DMD: variants seen among roughly 807,000 people sequenced by gnomAD.
The protein encoded by DMD is dystrophin, also known as mutant dystrophin.
In DMD, 63 loss-of-function variants were observed where a neutral mutation model predicts 330.1. The observed-to-expected ratio is 0.19, with a 90% CI of 0.16 to 0.24. DMD has a LOEUF of 0.24. Ranked by LOEUF, DMD falls within the 10% of genes least tolerant of loss-of-function variation. DMD has a pLI of 1.00. For synonymous variants in DMD, 1,223 were observed against 959.8 expected (o/e 1.27, Z -5.07); for missense variants, 3,344 against 2,684.1 (o/e 1.25, Z -5.43).
intron 52 of DMD, among the ~76,000 whole-genome samples, chrX:31,721,924 T>C (rs2085593958): frequency 9.3e-6 from 1 of 107,695 alleles, no homozygotes; most frequent in Non-Finnish European, 1.9e-5. Context: ...ATATTTCTAA[T>C]GACAGAAAGG....
intron 2 of DMD, among the ~76,000 whole-genome samples, chrX:32,937,954 C>T (rs764026540): frequency 3.6e-5 from 4 of 111,229 alleles, no homozygotes; most frequent in Non-Finnish European, 7.5e-5. Flanking sequence ...CCAGAACTTC[C>T]TTCATTTTAC....
intron 1 of DMD, among the ~76,000 whole-genome samples, chrX:33,244,000 C>T (rs186065066): frequency 2.2e-3 from 251 of 111,972 alleles, no homozygotes; most frequent in Middle Eastern, 9.2e-3. Context: ...TAAATATATA[C>T]AAATAACATT....
intron 44 of DMD, among the ~76,000 whole-genome samples, chrX:32,047,909 G>T (rs2147475707): frequency 9.2e-6 from 1 of 108,802 alleles, no homozygotes; most frequent in African/African-American, 3.3e-5. Context: ...AGAATGCATT[G>T]AAATTTAATT....
chrX:32,284,289 T>C (rs148743975), intron 43 of DMD, among the ~76,000 whole-genome samples: 2,324 of 111,764 alleles, frequency 0.021, 66 homozygotes, highest in African/African-American at 0.071. Flanking sequence ...CTTAGTAAGA[T>C]AGCTTCATTC....
intron 60 of DMD, among the ~76,000 whole-genome samples, chrX:31,355,946 C>T (rs1003073128): frequency 5.4e-5 from 6 of 110,294 alleles, no homozygotes; most frequent in East Asian, 2.9e-4. Flanking sequence ...GCTGGGATTA[C>T]AGGCATGAGC....
intron 1 of DMD, among the ~76,000 whole-genome samples, chrX:33,255,921 T>C (rs907982325): frequency 8.9e-6 from 1 of 111,758 alleles, no homozygotes; most frequent in Non-Finnish European, 1.9e-5. Context: ...TGCCTTTCTG[T>C]AATCATATGC....
intron 2 of DMD, among the ~76,000 whole-genome samples, chrX:32,854,870 T>A (rs2081415354): frequency 9.0e-6 from 1 of 111,657 alleles, no homozygotes; most frequent in African/African-American, 3.3e-5. Flanking sequence ...ACCAGACAGA[T>A]ATCCAGAAAA....
intron 74 of DMD, among the ~76,000 whole-genome samples, chrX:31,159,606 C>G (rs1295883694): frequency 4.5e-5 from 5 of 111,041 alleles, no homozygotes; most frequent in Non-Finnish European, 7.6e-5. Context: ...AACTCTCTTC[C>G]TAGGAGGTCT....
chrX:32,067,375 C>A (rs2096266398), intron 44 of DMD, among the ~76,000 whole-genome samples: 1 of 109,865 alleles, frequency 9.1e-6, no homozygotes, highest in Non-Finnish European at 1.9e-5. Context: ...CTTTTAAGAT[C>A]CAGAGGGTAC....
At chrX:32,131,393 T>C (rs1389880876) in intron 44 of DMD, among the ~76,000 whole-genome samples, 1 of 111,451 alleles carries the variant, frequency 9.0e-6, no homozygotes, top group Admixed American at 9.5e-5. Flanking sequence ...GTTTTCTTGT[T>C]ATCTTAAGGA....
At chrX:32,536,287 A>AAAAAAAAAAAC (rs1556769787) in intron 17 of DMD, among the ~76,000 whole-genome samples, 51 of 106,048 alleles carry the variant, frequency 4.8e-4, no homozygotes, top group African/African-American at 1.7e-3. Context: ...AAAAAAAAAA[A>AAAAAAAAAAAC]ACACACAAAT....
chrX:32,371,367 C>T (rs926284088), intron 34 of DMD, among the ~76,000 whole-genome samples: 1 of 110,561 alleles, frequency 9.0e-6, no homozygotes, highest in Non-Finnish European at 1.9e-5. Context: ...TCAGGCAACT[C>T]TTGGCATACT....
intron 1 of DMD, among the ~76,000 whole-genome samples, chrX:33,335,372 G>A (rs528051410): frequency 9.3e-6 from 1 of 107,257 alleles, no homozygotes; most frequent in African/African-American, 3.4e-5. Flanking sequence ...ATATTACTTT[G>A]TTTCATTGTA....
chrX:32,791,370 A>G (rs932915199), intron 7 of DMD, among the ~76,000 whole-genome samples: 3 of 111,126 alleles, frequency 2.7e-5, no homozygotes, highest in African/African-American at 9.8e-5. Flanking sequence ...ACTAACATCA[A>G]TGCCAATGTA....
chrX:32,024,486 CAAAAAAAA>C lies in DMD; in HGVS notation c.6439-55980_6439-55973del, dbSNP rs71872956. Among the ~76,000 whole-genome samples the C allele has an allele frequency of 4.8e-3, 293 of 61,630 alleles. 4 individuals are homozygous for C. Among genetic ancestry groups the C allele is most frequent in the African/African-American group, 0.02 (279 of 14,301 alleles). The allele number at this position is 61,630 out of a possible 115,157, so 53.5% of individuals were successfully genotyped here. A position where few individuals can be genotyped will look rare whatever the true frequency, so the allele number is the denominator to read the frequency against. ...TGGGCGAAAGAGCGAAACTCCCTCT[CAAAAAAAA>C]AAAAAAAAAAAAAAGTATGAAACAA... On this transcript the variant is annotated intron_variant, in intron 44 of 78. Transcript: ENST00000357033.
At chrX:32,552,646 T>C (rs765667417) in intron 16 of DMD, among the ~76,000 whole-genome samples, 2 of 111,943 alleles carry the variant, frequency 1.8e-5, no homozygotes, top group Admixed American at 9.5e-5. Context: ...ACCTGCAGAA[T>C]GGGAGAAAAA....
intron 60 of DMD, among the ~76,000 whole-genome samples, chrX:31,379,132 C>G (rs945868925): frequency 9.1e-6 from 1 of 109,968 alleles, no homozygotes; most frequent in Admixed American, 9.8e-5. Context: ...AAGCATCGCT[C>G]AGTCTTTCTA....
chrX:32,702,959 A>T (rs1365864416), intron 7 of DMD, among the ~76,000 whole-genome samples: 2 of 111,495 alleles, frequency 1.8e-5, no homozygotes, highest in Non-Finnish European at 3.8e-5. Flanking sequence ...ACAAGTAGAC[A>T]CCAACAAAAG....
At chrX:31,941,855 G>T (rs2095008712) in intron 45 of DMD, among the ~76,000 whole-genome samples, 1 of 111,473 alleles carries the variant, frequency 9.0e-6, no homozygotes, top group Admixed American at 9.5e-5. Flanking sequence ...CCTACAAAAG[G>T]CGTGACTGTA....
Sources: allele counts gnomAD v4.1 joint callset (sites outside exome capture counted in the v4.1 genomes callset), GRCh38; gene constraint gnomAD v4.1.1; transcripts MANE v1.5; gene names NCBI Gene and HGNC (gene_info 2026-07-23, HGNC 2026-07-21).